Variants in CNTNAP2 observed in about 807,000 individuals in gnomAD.
CNTNAP2 encodes the protein contactin associated protein 2.
A neutral mutation model predicts 155.2 loss-of-function variants in CNTNAP2; 98 were observed. That is an observed-to-expected ratio of 0.63 (90% CI 0.54 to 0.75). The LOEUF (loss-of-function observed/expected upper bound fraction) is 0.75. Among genes scored for constraint, CNTNAP2 ranks in the 30% least tolerant of loss-of-function variants. The pLI, the probability that CNTNAP2 is intolerant of heterozygous loss-of-function variation, is 0.00. For synonymous variants in CNTNAP2, 651 were observed against 631.2 expected, an observed-to-expected ratio of 1.03 and a Z score of -0.47; for missense variants, 1,727 against 1,688.1, an observed-to-expected ratio of 1.02 and a Z score of -0.40.
chr7:146,758,850 A>G (rs1802036520), intron 1 of CNTNAP2, among the ~76,000 whole-genome samples: 1 of 152,228 alleles, frequency 6.6e-6, no homozygotes, highest in Admixed American at 6.5e-5. Flanking sequence ...CCTGATTAGA[A>G]CTTTCAGGAC....
chr7:147,393,123 A>G (rs950372753), intron 9 of CNTNAP2, among the ~76,000 whole-genome samples: 5 of 152,072 alleles, frequency 3.3e-5, no homozygotes, highest in African/African-American at 9.7e-5. Flanking sequence ...GAAGGGGACA[A>G]CAAAAGGGTG....
At chr7:148,362,861 A>G (rs1246256547) in intron 21 of CNTNAP2, among the ~76,000 whole-genome samples, 1 of 152,182 alleles carries the variant, frequency 6.6e-6, no homozygotes, top group African/African-American at 2.4e-5. Flanking sequence ...AACTTACAAC[A>G]TTTTTACTTT....
chr7:148,238,800 C>A (rs941256035), intron 20 of CNTNAP2, among the ~76,000 whole-genome samples: 1 of 152,112 alleles, frequency 6.6e-6, no homozygotes, highest in African/African-American at 2.4e-5. Flanking sequence ...ACATGGAGCC[C>A]AGACTGAAAT....
intron 1 of CNTNAP2, among the ~76,000 whole-genome samples, chr7:146,292,139 CATTA>C (rs1325963677): frequency 6.6e-6 from 1 of 152,162 alleles, no homozygotes; most frequent in Admixed American, 6.5e-5. Context: ...TGCTGAGCAT[CATTA>C]ATTATCAGAG....
At chr7:147,311,458 T>C (rs993172795) in intron 9 of CNTNAP2, among the ~76,000 whole-genome samples, 3 of 152,056 alleles carry the variant, frequency 2.0e-5, no homozygotes, top group Non-Finnish European at 4.4e-5. Context: ...CAGAAAGAAA[T>C]GGCCTGGCTC....
At chr7:146,600,435 C>G (rs1172719964) in intron 1 of CNTNAP2, among the ~76,000 whole-genome samples, 2 of 151,856 alleles carry the variant, frequency 1.3e-5, no homozygotes, top group Non-Finnish European at 2.9e-5. Flanking sequence ...TAAAAATAAA[C>G]ACTTTAAAAT....
At chr7:146,824,116 T>A (rs922507922) in intron 2 of CNTNAP2, among the ~76,000 whole-genome samples, 2 of 152,138 alleles carry the variant, frequency 1.3e-5, no homozygotes, top group African/African-American at 4.8e-5. Flanking sequence ...AGCTCCCACT[T>A]ATGAGTGAGA....
intron 14 of CNTNAP2, among the ~76,000 whole-genome samples, chr7:147,922,260 G>A (rs982677617): frequency 2.0e-5 from 3 of 152,212 alleles, no homozygotes; most frequent in African/African-American, 4.8e-5. Flanking sequence ...GTTAAGAGCA[G>A]CCCTCACATT....
chr7:147,584,043 A>AGAGAACCATTC (rs1800570100), intron 12 of CNTNAP2, among the ~76,000 whole-genome samples: 1 of 152,174 alleles, frequency 6.6e-6, no homozygotes, highest in Admixed American at 6.5e-5. Context: ...TTGTAGACAG[A>AGAGAACCATTC]GAGAACCATT....
intron 22 of CNTNAP2, among the ~76,000 whole-genome samples, chr7:148,407,828 G>C (rs923852254): frequency 6.6e-6 from 1 of 151,610 alleles, no homozygotes; most frequent in African/African-American, 2.4e-5. Flanking sequence ...CAAGAGTTAA[G>C]TTCACTTTCA....
chr7:146,952,047 C>T (rs972387743), intron 3 of CNTNAP2, among the ~76,000 whole-genome samples: 8 of 151,942 alleles, frequency 5.3e-5, no homozygotes, highest in East Asian at 1.9e-4. Flanking sequence ...ACTGGCAAAC[C>T]GAATACAGCA....
At chr7:147,592,439 TA>T in intron 12 of CNTNAP2, among the ~76,000 whole-genome samples, 1 of 149,196 alleles carries the variant, frequency 6.7e-6, no homozygotes, top group South Asian at 2.1e-4. Context: ...CAATAATTAC[TA>T]AAAATAATAC....
At chr7:147,043,158 A>G (rs980148675) in intron 3 of CNTNAP2, among the ~76,000 whole-genome samples, 1 of 152,104 alleles carries the variant, frequency 6.6e-6, no homozygotes, top group African/African-American at 2.4e-5. Context: ...TGAATATCCC[A>G]TATTATCTTG....
chr7:146,361,097 A>G (rs778126015), intron 1 of CNTNAP2, among the ~76,000 whole-genome samples: 5 of 152,192 alleles, frequency 3.3e-5, no homozygotes, highest in African/African-American at 4.8e-5. Context: ...AGAAAAGGAC[A>G]TTTCCCTTAA....
At chr7:148,072,379 C>T (rs904770829) in intron 15 of CNTNAP2, among the ~76,000 whole-genome samples, 1 of 151,904 alleles carries the variant, frequency 6.6e-6, no homozygotes, top group Admixed American at 6.6e-5. Flanking sequence ...TCAACTCTGC[C>T]ATCATATTGT....
At chr7:146,235,025 A>G (rs1027327175) in intron 1 of CNTNAP2, among the ~76,000 whole-genome samples, 4 of 152,202 alleles carry the variant, frequency 2.6e-5, no homozygotes, top group African/African-American at 9.6e-5. Context: ...CTCTGTCAGC[A>G]TAGTCTGTTT....
chr7:148,412,527 T>C (rs1799865789), intron 23 of CNTNAP2, among the ~76,000 whole-genome samples: 1 of 152,258 alleles, frequency 6.6e-6, no homozygotes, highest in South Asian at 2.1e-4. Context: ...TATAAAAGTA[T>C]AATTGATCTT....
At chr7:146,258,153 G>C (rs1291110028) in intron 1 of CNTNAP2, among the ~76,000 whole-genome samples, 1 of 152,098 alleles carries the variant, frequency 6.6e-6, no homozygotes, top group Admixed American at 6.5e-5. Context: ...CGCCCTTCCA[G>C]AGTGCTGAGA....
intron 12 of CNTNAP2, among the ~76,000 whole-genome samples, chr7:147,593,326 T>C (rs898936366): frequency 6.7e-6 from 1 of 150,252 alleles, no homozygotes; most frequent in African/African-American, 2.5e-5. Context: ...AATTTACAGT[T>C]GTGGAAATTT....
Sources: gnomAD v4.1 joint callset for allele counts (sites outside exome capture counted in the v4.1 genomes callset) on GRCh38, gnomAD v4.1.1 for gene constraint, MANE v1.5 for transcripts, NCBI Gene and HGNC (gene_info 2026-07-23, HGNC 2026-07-21) for gene names.